The following SPOCK1 variants were observed in gnomAD, a reference collection of about 807,000 sequenced individuals.
SPOCK1 encodes the protein SPARC (osteonectin), cwcv and kazal like domains proteoglycan 1, also known as testican-1.
SPOCK1 carries 23 observed loss-of-function variants against 55.3 expected under a neutral mutation model. The observed-to-expected ratio is 0.42, with a 90% CI of 0.30 to 0.59. The LOEUF (loss-of-function observed/expected upper bound fraction) is 0.59, where lower values mean the gene tolerates loss of function less well. Among genes scored for constraint, SPOCK1 ranks in the 20% least tolerant of loss-of-function variants. SPOCK1 has a pLI of 0.22. For missense variants in SPOCK1, 499 were observed against 552.5 expected (o/e 0.90, Z 0.97); for synonymous variants, 226 against 221.0 (o/e 1.02, Z -0.20).
chr5:137,477,867 AT>A (rs1332355604), intron 2 of SPOCK1, among the ~76,000 whole-genome samples: 2 of 152,222 alleles, frequency 1.3e-5, no homozygotes, highest in African/African-American at 4.8e-5. Context: ...GCTTGGCTTC[AT>A]GTAAGGAAGC....
chr5:137,159,453 T>C (rs74291954), intron 3 of SPOCK1, among the ~76,000 whole-genome samples: 1 of 152,080 alleles, frequency 6.6e-6, no homozygotes, highest in East Asian at 1.9e-4. Flanking sequence ...AATATGTAGT[T>C]TTTTATCCTT....
chr5:136,995,202 T>C (rs576667239), intron 6 of SPOCK1, among the ~76,000 whole-genome samples: 85 of 152,308 alleles, frequency 5.6e-4, no homozygotes, highest in African/African-American at 1.9e-3. Context: ...ATCATCATGA[T>C]ATTCTGCCAT....
chr5:137,187,341 T>C (rs975763542), intron 3 of SPOCK1, among the ~76,000 whole-genome samples: 17 of 152,186 alleles, frequency 1.1e-4, no homozygotes, highest in African/African-American at 3.6e-4. Context: ...ATGCTTTCTC[T>C]TTCTGTGTTC....
At chr5:137,372,148 C>T (rs910415552) in intron 2 of SPOCK1, among the ~76,000 whole-genome samples, 1 of 152,188 alleles carries the variant, frequency 6.6e-6, no homozygotes, top group African/African-American at 2.4e-5. Context: ...AGCCTAGTTT[C>T]AGCTGCTGAG....
chr5:137,129,457 T>A (rs924957514), intron 4 of SPOCK1, among the ~76,000 whole-genome samples: 4 of 152,184 alleles, frequency 2.6e-5, no homozygotes, highest in African/African-American at 9.7e-5. Context: ...GTTTTCTTGC[T>A]CAAATCAGCC....
chr5:137,320,791 A>C (rs565333867), intron 2 of SPOCK1, among the ~76,000 whole-genome samples: 3 of 152,360 alleles, frequency 2.0e-5, no homozygotes, highest in Admixed American at 2.0e-4. Flanking sequence ...AAGAAAAACC[A>C]TAAGGACTGG....
chr5:137,116,510 G>A (rs576319006), intron 4 of SPOCK1, among the ~76,000 whole-genome samples: 1 of 152,062 alleles, frequency 6.6e-6, no homozygotes, highest in South Asian at 2.1e-4. Flanking sequence ...GCTGGCTGTG[G>A]TGGCGGGCAC....
intron 2 of SPOCK1, among the ~76,000 whole-genome samples, chr5:137,421,406 C>T (rs1383316493): frequency 2.0e-5 from 3 of 152,198 alleles, no homozygotes; most frequent in African/African-American, 4.8e-5. Context: ...GTGTTAAAGT[C>T]TCCCATTATT....
At chr5:137,099,689 A>G (rs1330226806) in intron 5 of SPOCK1, among the ~76,000 whole-genome samples, 1 of 151,506 alleles carries the variant, frequency 6.6e-6, no homozygotes, top group Non-Finnish European at 1.5e-5. Flanking sequence ...TATATCTCCC[A>G]CCCTTTAACT....
At chr5:137,147,996 C>G (rs1754237115) in intron 3 of SPOCK1, among the ~76,000 whole-genome samples, 1 of 152,164 alleles carries the variant, frequency 6.6e-6, no homozygotes, top group Non-Finnish European at 1.5e-5. Context: ...AGAACCAGAC[C>G]TGCCTTCTTC....
chr5:137,025,175 T>G (rs1007725359), intron 6 of SPOCK1, among the ~76,000 whole-genome samples: 2 of 152,158 alleles, frequency 1.3e-5, no homozygotes, highest in Non-Finnish European at 2.9e-5. Context: ...GCACTGGAGA[T>G]CCATTGTACA....
chr5:137,199,659 C>G (rs1030230526), intron 3 of SPOCK1, among the ~76,000 whole-genome samples: 2 of 152,128 alleles, frequency 1.3e-5, no homozygotes, highest in African/African-American at 4.8e-5. Flanking sequence ...GCCTCTTCTT[C>G]TACTGTCTTC....
chr5:137,269,275 G>A (rs919790012), intron 2 of SPOCK1, among the ~76,000 whole-genome samples: 1 of 152,154 alleles, frequency 6.6e-6, no homozygotes, highest in Admixed American at 6.5e-5. Context: ...CCCTTGCCCA[G>A]CCAGGCCAAG....
At chr5:137,400,948 C>G (rs564379449) in intron 2 of SPOCK1, among the ~76,000 whole-genome samples, 2 of 152,324 alleles carry the variant, frequency 1.3e-5, no homozygotes, top group African/African-American at 4.8e-5. Flanking sequence ...GCAGAGCACC[C>G]GCTGGAAACC....
At chr5:137,023,597 A>G (rs183027285) in intron 6 of SPOCK1, among the ~76,000 whole-genome samples, 1 of 152,360 alleles carries the variant, frequency 6.6e-6, no homozygotes, top group Non-Finnish European at 1.5e-5. Context: ...GGCTAGAAGA[A>G]TAGATGAGGA....
At chr5:136,978,906 G>A in intron 10 of SPOCK1, 62 bp from the exon 11 acceptor site, 10 of 1,505,646 alleles carry the variant, frequency 6.6e-6, no homozygotes, top group Non-Finnish European at 8.9e-6. Flanking sequence ...CCACGTCAGG[G>A]GTTCCTTTGC....
At chr5:137,223,174 C>G (rs578192100) in intron 3 of SPOCK1, among the ~76,000 whole-genome samples, 1 of 152,100 alleles carries the variant, frequency 6.6e-6, no homozygotes, top group Non-Finnish European at 1.5e-5. Flanking sequence ...GAGACAGGAA[C>G]AGACCACCAT....
At chr5:137,276,751 G>GA (rs1757074780) in intron 2 of SPOCK1, among the ~76,000 whole-genome samples, 1 of 152,122 alleles carries the variant, frequency 6.6e-6, no homozygotes, top group African/African-American at 2.4e-5. Flanking sequence ...CAGGAAACTG[G>GA]AAACCAATGG....
chr5:137,292,887 C>T (rs1421620330), intron 2 of SPOCK1, among the ~76,000 whole-genome samples: 1 of 152,134 alleles, frequency 6.6e-6, no homozygotes, highest in Non-Finnish European at 1.5e-5. Context: ...CCACATTTCC[C>T]TCAGAGTCGC....
Sources: gnomAD v4.1 joint callset for allele counts (sites outside exome capture counted in the v4.1 genomes callset) on GRCh38, gnomAD v4.1.1 for gene constraint, MANE v1.5 for transcripts, NCBI Gene and HGNC (gene_info 2026-07-23, HGNC 2026-07-21) for gene names.